The following PALLD variants were observed in gnomAD, a reference collection of about 807,000 sequenced individuals.
PALLD encodes the protein palladin.
PALLD carries 61 observed loss-of-function variants against 123.5 expected under a neutral mutation model. The ratio of observed to expected loss-of-function variants is 0.49; its 90% CI spans 0.40 to 0.61. The LOEUF (loss-of-function observed/expected upper bound fraction) is 0.61, where lower values mean the gene tolerates loss of function less well. Ranked by LOEUF, PALLD falls within the 20% of genes least tolerant of loss-of-function variation. The probability of loss-of-function intolerance (pLI) is 0.00; values close to 1 mark genes in which losing one functional copy is unlikely to be tolerated. For synonymous variants in PALLD, 465 were observed against 496.4 expected, an observed-to-expected ratio of 0.94 and a Z score of 0.84; for missense variants, 1,273 against 1,377.0, an observed-to-expected ratio of 0.92 and a Z score of 1.20.
At chr4:168,548,343 AG>A (rs1302960117) in intron 2 of PALLD, among the ~76,000 whole-genome samples, 4 of 111,112 alleles carry the variant, frequency 3.6e-5, no homozygotes, top group African/African-American at 3.4e-5. Context: ...CTTCTAACTC[AG>A]GAAAAAAAAA....
intron 13 of PALLD, 85 bp from the exon 14 acceptor site, chr4:168,898,408 C>A: frequency 1.2e-6 from 1 of 839,224 alleles, no homozygotes; most frequent in South Asian, 1.4e-5. Context: ...TCACTGTCTT[C>A]TAGGGCCTTA....
chr4:168,778,514 C>A (rs77382568), intron 10 of PALLD, among the ~76,000 whole-genome samples: 2 of 152,108 alleles, frequency 1.3e-5, no homozygotes, highest in African/African-American at 4.8e-5. Flanking sequence ...ACTGTGATTT[C>A]CTTGCTGAAT....
At chr4:168,870,420 C>A (rs1158653236) in intron 10 of PALLD, among the ~76,000 whole-genome samples, 1 of 152,154 alleles carries the variant, frequency 6.6e-6, no homozygotes, top group Non-Finnish European at 1.5e-5. Flanking sequence ...AATATTCTTC[C>A]TTTTGTAAGA....
At chr4:168,773,865 C>G (rs983786508) in intron 10 of PALLD, among the ~76,000 whole-genome samples, 1 of 152,130 alleles carries the variant, frequency 6.6e-6, no homozygotes, top group Non-Finnish European at 1.5e-5. Context: ...AGTTAGCTTC[C>G]CCTCCAACAC....
intron 2 of PALLD, among the ~76,000 whole-genome samples, chr4:168,641,800 C>A (rs963095635): frequency 3.9e-5 from 6 of 152,160 alleles, no homozygotes; most frequent in Non-Finnish European, 7.3e-5. Flanking sequence ...AGCTGGGCAA[C>A]ATTTACAAAC....
At chr4:168,691,980 G>A (rs1221872736) in intron 8 of PALLD, among the ~76,000 whole-genome samples, 3 of 152,116 alleles carry the variant, frequency 2.0e-5, no homozygotes, top group African/African-American at 7.2e-5. Context: ...GTACTTCATC[G>A]TATGTCCTCC....
At chr4:168,720,439 T>C (rs1205695201) in intron 10 of PALLD, among the ~76,000 whole-genome samples, 1 of 152,152 alleles carries the variant, frequency 6.6e-6, no homozygotes, top group Non-Finnish European at 1.5e-5. Flanking sequence ...AAGCATAAAG[T>C]GTGGACCAGA....
chr4:168,703,480 C>T (rs1335950633), intron 8 of PALLD, among the ~76,000 whole-genome samples: 2 of 125,164 alleles, frequency 1.6e-5, no homozygotes, highest in East Asian at 2.5e-4. Flanking sequence ...TGAGGAATCG[C>T]CACACTGACT....
At chr4:168,794,478 G>A (rs202178758) in intron 10 of PALLD, among the ~76,000 whole-genome samples, 5 of 143,994 alleles carry the variant, frequency 3.5e-5, no homozygotes, top group South Asian at 2.2e-4. Flanking sequence ...ACGTGCACAC[G>A]CACACACACA....
chr4:168,680,832 A>G (rs75843531), intron 3 of PALLD, among the ~76,000 whole-genome samples: 3,714 of 152,304 alleles, frequency 0.024, 140 homozygotes, highest in African/African-American at 0.084. Context: ...ATTTAAGAAC[A>G]GTAATAATGC....
chr4:168,927,252 T>C lies in PALLD; in HGVS notation c.*1072T>C, dbSNP rs889538491. On this transcript the variant is annotated 3_prime_UTR_variant, in exon 22 of 22. Transcript: ENST00000505667. ...GAAAATGCAACCAGCATGATTATAGTGTGTTCATTTAGATAAAAGTAGAAG... is the reference window on the plus strand; with the variant it reads ...GAAAATGCAACCAGCATGATTATAGCGTGTTCATTTAGATAAAAGTAGAAG... 6 of 231,028 alleles carry C rather than the reference T, an allele frequency of 2.6e-5. No individual in the cohort carries two copies. The highest frequency in any genetic ancestry group is 6.1e-5 in the East Asian group (1 of 16,292). The allele number at this position is 231,028 out of a possible 1,614,324, so 14.3% of individuals were successfully genotyped here. A position where few individuals can be genotyped will look rare whatever the true frequency, so the allele number is the denominator to read the frequency against.
intron 2 of PALLD, among the ~76,000 whole-genome samples, chr4:168,559,169 C>G (rs1364999475): frequency 6.6e-6 from 1 of 150,680 alleles, no homozygotes; most frequent in Non-Finnish European, 1.5e-5. Context: ...TTAGCCATAA[C>G]AAGATTTTTA....
At position 168,826,609 on chromosome 4, in the gene PALLD, A is replaced by T. The variant is rs564498737; in HGVS notation, c.1965-64313A>T. Among the ~76,000 whole-genome samples, 16 of 151,616 alleles carry T rather than the reference A, an allele frequency of 1.1e-4. No individual in the cohort carries two copies. The East Asian group carries it at 3.1e-3, about 29-fold the overall frequency. On this transcript the variant is annotated intron_variant, in intron 10 of 21. Coordinates refer to ENST00000505667, the MANE Select transcript of PALLD (RefSeq NM_001166108.2). ...GCCAGCCCAAAGTAAAGTTCAGATTATTTTTTTTACTCTGTTTTTTAATTA... is the reference window on the plus strand; with the variant it reads ...GCCAGCCCAAAGTAAAGTTCAGATTTTTTTTTTTACTCTGTTTTTTAATTA...
chr4:168,821,539 CAA>C (rs1347768960), intron 10 of PALLD, among the ~76,000 whole-genome samples: 2 of 151,504 alleles, frequency 1.3e-5, no homozygotes, highest in Non-Finnish European at 2.9e-5. Flanking sequence ...CAGATATACA[CAA>C]AGAGAGAAAA....
At chr4:168,732,437 A>G (rs1013793149) in intron 10 of PALLD, among the ~76,000 whole-genome samples, 18 of 152,190 alleles carry the variant, frequency 1.2e-4, no homozygotes, top group African/African-American at 4.3e-4. Flanking sequence ...TGAATTTACA[A>G]TGAAGGAGCC....
intron 1 of PALLD, among the ~76,000 whole-genome samples, chr4:168,498,896 T>A (rs965862081): frequency 1.3e-5 from 2 of 152,220 alleles, no homozygotes; most frequent in Admixed American, 6.5e-5. Context: ...GGACATGGGA[T>A]AACTTCAAAA....
intron 10 of PALLD, among the ~76,000 whole-genome samples, chr4:168,785,708 AGAG>A (rs1476118956): frequency 1.3e-5 from 2 of 151,574 alleles, no homozygotes; most frequent in Non-Finnish European, 1.5e-5. Context: ...TTACTGGTTG[AGAG>A]GAGACCCAGT....
intron 10 of PALLD, among the ~76,000 whole-genome samples, chr4:168,771,436 A>C (rs565557271): frequency 1.3e-5 from 2 of 152,318 alleles, no homozygotes; most frequent in South Asian, 4.1e-4. Flanking sequence ...GGGCTGCAAC[A>C]AGCCTTGCTC....
chr4:168,810,175 G>A (rs1013597181), intron 10 of PALLD, among the ~76,000 whole-genome samples: 13 of 152,038 alleles, frequency 8.6e-5, no homozygotes, highest in Non-Finnish European at 1.9e-4. Context: ...GACGGGAAAA[G>A]AGAGAAGAAC....
Sources: allele counts gnomAD v4.1 joint callset (sites outside exome capture counted in the v4.1 genomes callset), GRCh38; gene constraint gnomAD v4.1.1; transcripts MANE v1.5; gene names NCBI Gene and HGNC (gene_info 2026-07-23, HGNC 2026-07-21).